Variants in TAOK1 observed in about 807,000 individuals in gnomAD.
TAOK1 encodes the protein TAO kinase 1, also known as serine/threonine-protein kinase TAO1.
Under a neutral mutation model 138.3 loss-of-function variants are expected in TAOK1, and 21 were observed. That is an observed-to-expected ratio of 0.15 (90% CI 0.11 to 0.22). The LOEUF (loss-of-function observed/expected upper bound fraction) is 0.22. Among genes scored for constraint, TAOK1 ranks in the 10% least tolerant of loss-of-function variants. The pLI is 1.00. For synonymous variants in TAOK1, 361 were observed against 398.4 expected, an observed-to-expected ratio of 0.91 and a Z score of 1.12; for missense variants, 651 against 1,227.7, an observed-to-expected ratio of 0.53 and a Z score of 7.02.
intron 7 of TAOK1, among the ~76,000 whole-genome samples, chr17:29,481,731 G>T (rs1415057822): frequency 6.6e-6 from 1 of 151,892 alleles, no homozygotes; most frequent in South Asian, 2.1e-4. Flanking sequence ...AGGCCAAGGC[G>T]GGCGGATCAC....
chr17:29,455,649 A>T (rs1425979708), intron 2 of TAOK1, among the ~76,000 whole-genome samples: 4 of 149,932 alleles, frequency 2.7e-5, no homozygotes, highest in Admixed American at 2.6e-4. Flanking sequence ...AGTTCCCTTT[A>T]TTCCTGTTTT....
chr17:29,538,836 A>AAT (rs142301288), intron 19 of TAOK1, among the ~76,000 whole-genome samples: 6 of 152,126 alleles, frequency 3.9e-5, no homozygotes, highest in East Asian at 1.9e-4. Flanking sequence ...TTATATGTGA[A>AAT]ATATATATAT....
chr17:29,393,201 T>G (rs1567705164), intron 1 of TAOK1, among the ~76,000 whole-genome samples: 2 of 152,216 alleles, frequency 1.3e-5, no homozygotes, highest in South Asian at 4.1e-4. Context: ...TTATTTCATA[T>G]ATACTAGCAT....
intron 19 of TAOK1, among the ~76,000 whole-genome samples, chr17:29,534,543 T>C (rs966648259): frequency 4.6e-5 from 7 of 152,142 alleles, no homozygotes; most frequent in Non-Finnish European, 7.4e-5. Context: ...AGAAAAGATA[T>C]GGGTGTGTGA....
chr17:29,546,054 TC>T lies in TAOK1; in HGVS notation c.*3034del, dbSNP rs1352684747. 2.6e-5 allele frequency: 4 copies of T among 152,250 alleles called. No homozygotes were observed. The highest frequency in any genetic ancestry group is 5.9e-5 in the Non-Finnish European group (4 of 67,992). 9.4% of individuals were successfully genotyped at this position (152,250 alleles called of 1,614,324 possible). On this transcript the variant is annotated 3_prime_UTR_variant, in exon 20 of 20. Transcript: ENST00000261716. Reference sequence around the variant, plus strand: ...CTCCCTTCCCTTTGCACATATTTTTTCCTCCCCTTATTGAAGTCAGCTCTAA... The same window carrying T: ...CTCCCTTCCCTTTGCACATATTTTTTCTCCCCTTATTGAAGTCAGCTCTAA...
intron 14 of TAOK1, among the ~76,000 whole-genome samples, chr17:29,509,028 A>G (rs1486008053): frequency 6.6e-6 from 1 of 152,178 alleles, no homozygotes; most frequent in Non-Finnish European, 1.5e-5. Context: ...ACAAAAAAAG[A>G]ACATTCTTAT....
At chr17:29,517,783 A>C in intron 16 of TAOK1, 127 bp downstream of exon 16, 1 of 819,172 alleles carries the variant, frequency 1.2e-6, no homozygotes, top group East Asian at 2.7e-5. Context: ...ATTCTTCCCC[A>C]GATATTCACA....
intron 8 of TAOK1, among the ~76,000 whole-genome samples, chr17:29,488,175 T>C (rs1490780149): frequency 1.3e-5 from 2 of 152,236 alleles, no homozygotes; most frequent in East Asian, 3.8e-4. Flanking sequence ...GTGTAGTTTT[T>C]GCATATAACC....
In TAOK1 at chr17:29,539,862, A is replaced by G. The variant is rs1428714319; in HGVS notation, c.2545-2699A>G. On this transcript the variant is annotated intron_variant, in intron 19 of 19. Transcript: ENST00000261716. ...GCCACTGCACTCCAGCCTGGGTGAC[A>G]GAGCAAGACCCTGTCTCGAAAAAAA... 2.6e-5 allele frequency among the ~76,000 whole-genome samples: 4 copies of G among 152,232 alleles called. No individual in the cohort carries two copies. The East Asian group carries it at 7.7e-4, about 29-fold the overall frequency.
At chr17:29,423,508 C>T (rs1355494806) in intron 1 of TAOK1, among the ~76,000 whole-genome samples, 2 of 151,818 alleles carry the variant, frequency 1.3e-5, no homozygotes, top group Non-Finnish European at 2.9e-5. Flanking sequence ...TGAGCCACTG[C>T]GCCCAGCCTC....
intron 1 of TAOK1, chr17:29,404,063 A>T (rs1404918819): frequency 6.6e-6 from 1 of 152,182 alleles, no homozygotes; most frequent in Non-Finnish European, 1.5e-5. Context: ...AATCAAGAAT[A>T]AAAAAGTTGG....
chr17:29,551,402 C>G lies in TAOK1; in HGVS notation c.*8380C>G, dbSNP rs1354203552. 1.3e-5 allele frequency: 2 copies of G among 152,176 alleles called. No homozygotes were observed. The highest frequency in any genetic ancestry group is 4.8e-5 in the African/African-American group (2 of 41,432). The allele number at this position is 152,176 out of a possible 1,614,324, so 9.4% of individuals were successfully genotyped here. On this transcript the variant is annotated 3_prime_UTR_variant, in exon 20 of 20. Transcript: ENST00000261716. ...GAGCCCGTAGGGTTTTCATAGTGGACAAAGAACTTGTGGTCTTTTAAAACT... is the reference window on the plus strand; with the variant it reads ...GAGCCCGTAGGGTTTTCATAGTGGAGAAAGAACTTGTGGTCTTTTAAAACT...
At chr17:29,498,870 G>A (rs2031461917) in intron 12 of TAOK1, among the ~76,000 whole-genome samples, 1 of 151,784 alleles carries the variant, frequency 6.6e-6, no homozygotes, top group African/African-American at 2.4e-5. Flanking sequence ...AGGTTGCAGT[G>A]AGCCAAGATC....
At chr17:29,496,782 C>T (rs1052577592) in intron 11 of TAOK1, among the ~76,000 whole-genome samples, 5 of 147,226 alleles carry the variant, frequency 3.4e-5, no homozygotes, top group African/African-American at 1.2e-4. Context: ...AGACCGGTTT[C>T]GCTATGTTGG....
chr17:29,526,819 T>TTAAAAAAAAAAA lies in TAOK1; in HGVS notation c.2149-3588_2149-3587insTAAAAAAAAAAA, dbSNP rs770263137. ...GGCAGCATAGGGAGATCTCATCTCT[T>TTAAAAAAAAAAA]AAAAAAAAAAAAAAAAAAAAAAAAA... On this transcript the variant is annotated intron_variant, in intron 17 of 19. Transcript: ENST00000261716. Among the ~76,000 whole-genome samples the TTAAAAAAAAAAA allele has an allele frequency of 3.9e-5, 2 of 50,946 alleles. 1 individual carries two copies. 33.4% of individuals were successfully genotyped at this position (50,946 alleles called of 152,430 possible).
intron 13 of TAOK1, 124 bp from the exon 14 acceptor site, chr17:29,507,772 G>T: frequency 2.3e-6 from 2 of 862,176 alleles, no homozygotes; most frequent in Non-Finnish European, 1.7e-6. Flanking sequence ...AATTTCCTTG[G>T]AATCTGCTAA....
chr17:29,523,912 A>G (rs1211232904), intron 17 of TAOK1, among the ~76,000 whole-genome samples: 3 of 152,324 alleles, frequency 2.0e-5, no homozygotes, highest in African/African-American at 4.8e-5. Context: ...CTGAATAACT[A>G]TGCTGGAGTA....
At chr17:29,404,160 T>G (rs1904927398) in intron 1 of TAOK1, 1 of 152,250 alleles carries the variant, frequency 6.6e-6, no homozygotes, top group Middle Eastern at 3.4e-3. Context: ...TTTGTTTTGT[T>G]TTTGAGACAG....
intron 19 of TAOK1, among the ~76,000 whole-genome samples, chr17:29,539,959 A>G (rs763526636): frequency 6.6e-6 from 1 of 152,236 alleles, no homozygotes; most frequent in African/African-American, 2.4e-5. Flanking sequence ...ACAAAAGTAT[A>G]GGAGTGATGT....
Sources: gnomAD v4.1 joint callset for allele counts (sites outside exome capture counted in the v4.1 genomes callset) on GRCh38, gnomAD v4.1.1 for gene constraint, MANE v1.5 for transcripts, NCBI Gene and HGNC (gene_info 2026-07-23, HGNC 2026-07-21) for gene names.